KIAA1217: variants seen among roughly 807,000 people sequenced by gnomAD.
KIAA1217 encodes the protein KIAA1217, also known as sickle tail protein homolog.
In KIAA1217, 88 loss-of-function variants were observed where a neutral mutation model predicts 163.9. The ratio of observed to expected loss-of-function variants is 0.54; its 90% CI spans 0.45 to 0.64. The LOEUF is 0.64. Among genes scored for constraint, KIAA1217 ranks in the 30% least tolerant of loss-of-function variants. KIAA1217 has a pLI of 0.00. For synonymous variants in KIAA1217, 903 were observed against 923.1 expected, an observed-to-expected ratio of 0.98 and a Z score of 0.39; for missense variants, 2,372 against 2,475.0, an observed-to-expected ratio of 0.96 and a Z score of 0.88.
At chr10:23,863,318 A>G (rs912507287) in intron 1 of KIAA1217, among the ~76,000 whole-genome samples, 2 of 152,156 alleles carry the variant, frequency 1.3e-5, no homozygotes, top group African/African-American at 2.4e-5. Context: ...GCTACCTGCT[A>G]TGGTTTGAAT....
intron 2 of KIAA1217, among the ~76,000 whole-genome samples, chr10:24,125,141 A>G (rs950466611): frequency 6.6e-6 from 1 of 152,128 alleles, no homozygotes; most frequent in African/African-American, 2.4e-5. Flanking sequence ...ATGTGGTGGC[A>G]CACACCTGTA....
At chr10:23,737,302 G>A (rs1588691719) in intron 1 of KIAA1217, among the ~76,000 whole-genome samples, 1 of 152,130 alleles carries the variant, frequency 6.6e-6, no homozygotes. Context: ...AGGTTCAAGC[G>A]ATTCTTCTGC....
intron 1 of KIAA1217, among the ~76,000 whole-genome samples, chr10:23,726,823 C>G (rs1163410729): frequency 6.6e-6 from 1 of 152,080 alleles, no homozygotes; most frequent in Non-Finnish European, 1.5e-5. Flanking sequence ...CTTACTAACT[C>G]TCTTAAATTA....
intron 1 of KIAA1217, among the ~76,000 whole-genome samples, chr10:23,904,035 T>C (rs945750278): frequency 3.9e-4 from 59 of 152,258 alleles, no homozygotes; most frequent in African/African-American, 1.3e-3. Flanking sequence ...TTTGCACAGC[T>C]CTTCTCTATC....
At chr10:24,466,538 T>C in intron 5 of KIAA1217, 1 of 985,388 alleles carries the variant, frequency 1.0e-6, no homozygotes, top group Non-Finnish European at 1.2e-6. Context: ...TCCATGCCAG[T>C]GTCAGCTTCT....
At chr10:23,860,271 G>T (rs1018135711) in intron 1 of KIAA1217, among the ~76,000 whole-genome samples, 8 of 151,618 alleles carry the variant, frequency 5.3e-5, no homozygotes, top group African/African-American at 1.9e-4. Context: ...AACTCTAACT[G>T]ACCTTAATGG....
intron 6 of KIAA1217, among the ~76,000 whole-genome samples, chr10:24,476,754 A>G (rs1238238759): frequency 6.6e-6 from 1 of 152,134 alleles, no homozygotes; most frequent in Non-Finnish European, 1.5e-5. Context: ...TGGAATTGGA[A>G]TGCTTGGGTA....
At chr10:24,424,121 A>G (rs1318242799) in intron 3 of KIAA1217, among the ~76,000 whole-genome samples, 1 of 151,614 alleles carries the variant, frequency 6.6e-6, no homozygotes, top group Non-Finnish European at 1.5e-5. Flanking sequence ...ATTTTCTATT[A>G]TCTTTTTCTT....
intron 2 of KIAA1217, chr10:24,275,768 C>T (rs780096355): frequency 1.9e-6 from 1 of 527,200 alleles, no homozygotes; most frequent in African/African-American, 1.9e-5. Flanking sequence ...TACTTTTGCT[C>T]CAACTTAATA....
intron 1 of KIAA1217, among the ~76,000 whole-genome samples, chr10:23,966,233 C>T (rs1367800071): frequency 6.6e-6 from 1 of 152,182 alleles, no homozygotes; most frequent in African/African-American, 2.4e-5. Context: ...TGATAGACAA[C>T]AAGCCTCTGT....
chr10:23,860,829 CTCTT>C (rs1564485758), intron 1 of KIAA1217, among the ~76,000 whole-genome samples: 1 of 151,898 alleles, frequency 6.6e-6, no homozygotes, highest in Non-Finnish European at 1.5e-5. Flanking sequence ...GAGATCCTGA[CTCTT>C]TATTTTTCTT....
chr10:24,381,217 G>C, intron 3 of KIAA1217, 150 bp downstream of exon 3: 1 of 616,962 alleles, frequency 1.6e-6, no homozygotes, highest in Non-Finnish European at 2.5e-6. Context: ...TTAATATCAA[G>C]CATTGAGGAT....
intron 2 of KIAA1217, among the ~76,000 whole-genome samples, chr10:24,300,387 C>T (rs2041166483): frequency 1.3e-5 from 2 of 152,164 alleles, no homozygotes; most frequent in Admixed American, 1.3e-4. Context: ...CTCTTCTGCA[C>T]ACCTCGATTT....
At chr10:24,080,943 G>C (rs1373168991) in intron 2 of KIAA1217, among the ~76,000 whole-genome samples, 1 of 152,100 alleles carries the variant, frequency 6.6e-6, no homozygotes, top group African/African-American at 2.4e-5. Context: ...CAATATTTAG[G>C]GAAATGAATG....
intron 6 of KIAA1217, among the ~76,000 whole-genome samples, chr10:24,491,878 C>G (rs1192585380): frequency 3.3e-5 from 5 of 152,146 alleles, no homozygotes; most frequent in Non-Finnish European, 5.9e-5. Flanking sequence ...GTACAGAACC[C>G]TTTAAGCAAC....
chr10:24,370,571 T>C (rs560997437), intron 2 of KIAA1217, among the ~76,000 whole-genome samples: 3 of 152,250 alleles, frequency 2.0e-5, no homozygotes, highest in Admixed American at 2.0e-4. Context: ...ACAGCAGTAT[T>C]CTTCATGTGG....
At position 24,524,392 on chromosome 10, in the gene KIAA1217, G is replaced by A; in HGVS notation, c.2526G>A (p.Lys842=). 6.2e-7 allele frequency: 1 copy of A among 1,614,228 alleles called. No homozygotes were observed. The highest frequency in any genetic ancestry group is 8.5e-7 in the Non-Finnish European group (1 of 1,180,050). ...CCGCACAGTACATGGCTATGGAAAAGGCCACAGCCGCAGAAGTCCTGAAGA... is the reference window on the plus strand; with the variant it reads ...CCGCACAGTACATGGCTATGGAAAAAGCCACAGCCGCAGAAGTCCTGAAGA... ...AQAAQYMAME[K]ATAAEVLKSQ... is the part of the protein sequence containing the mutation. Residue 842 remains lysine (K), a synonymous_variant, in exon 13 of 21, where the codon AAG becomes AAA. Coordinates refer to ENST00000376454, the MANE Select transcript of KIAA1217 (RefSeq NM_019590.5).
intron 2 of KIAA1217, among the ~76,000 whole-genome samples, chr10:24,142,608 AT>A (rs1416568417): frequency 1.4e-4 from 21 of 152,182 alleles, no homozygotes; most frequent in African/African-American, 4.8e-4. Context: ...CTATAAAAAA[AT>A]AAATAAACTT....
At chr10:24,099,827 A>G (rs1431751817) in intron 2 of KIAA1217, among the ~76,000 whole-genome samples, 3 of 144,462 alleles carry the variant, frequency 2.1e-5, no homozygotes, top group African/African-American at 7.8e-5. Context: ...CCTATGAGTG[A>G]GAACATGTGG....
Sources: gnomAD v4.1 joint callset for allele counts (sites outside exome capture counted in the v4.1 genomes callset) on GRCh38, gnomAD v4.1.1 for gene constraint, MANE v1.5 for transcripts, NCBI Gene and HGNC (gene_info 2026-07-23, HGNC 2026-07-21) for gene names.